DMD: variants seen among roughly 807,000 people sequenced by gnomAD.
The protein encoded by DMD is mutant dystrophin.
In DMD, 63 loss-of-function variants were observed where a neutral mutation model predicts 330.1. The observed-to-expected ratio is 0.19, with a 90% confidence interval of 0.16 to 0.24. The LOEUF is 0.24. Among genes scored for constraint, DMD ranks in the 10% least tolerant of loss-of-function variants. DMD has a pLI of 1.00. For missense variants in DMD, 3,344 were observed against 2,684.1 expected (o/e 1.25, Z -5.43); for synonymous variants, 1,223 against 959.8 (o/e 1.27, Z -5.07).
intron 44 of DMD, among the ~76,000 whole-genome samples, chrX:32,059,293 T>C (rs1192543913): frequency 9.0e-6 from 1 of 111,395 alleles, no homozygotes; most frequent in Admixed American, 9.6e-5. Flanking sequence ...TTTCAACACA[T>C]ACAATTCTTT....
At chrX:31,196,553 G>A (rs1009959475) in intron 67 of DMD, among the ~76,000 whole-genome samples, 3 of 110,025 alleles carry the variant, frequency 2.7e-5, no homozygotes, top group Admixed American at 9.7e-5. Context: ...GGCCAGGTGT[G>A]ATGGCTCATG....
intron 2 of DMD, among the ~76,000 whole-genome samples, chrX:32,854,399 C>T (rs1413005446): frequency 9.0e-6 from 1 of 110,763 alleles, no homozygotes; most frequent in Non-Finnish European, 1.9e-5. Flanking sequence ...GAAAATTATA[C>T]AAAACACAAG....
At chrX:33,025,363 T>C (rs1215549463) in intron 1 of DMD, among the ~76,000 whole-genome samples, 1 of 111,266 alleles carries the variant, frequency 9.0e-6, no homozygotes, top group African/African-American at 3.3e-5. Flanking sequence ...GGGAGTGGCA[T>C]GGAATGAAAT....
chrX:32,790,640 G>A (rs924305817), intron 7 of DMD, among the ~76,000 whole-genome samples: 4 of 111,611 alleles, frequency 3.6e-5, no homozygotes, highest in African/African-American at 9.8e-5. Context: ...GGCCAAGGCA[G>A]GAACCACTGG....
chrX:32,730,829 A>T (rs755399029), intron 7 of DMD, among the ~76,000 whole-genome samples: 22 of 112,237 alleles, frequency 2.0e-4, no homozygotes, highest in Admixed American at 1.5e-3. Flanking sequence ...ATGAGCAGAA[A>T]AAGAGTAGGA....
intron 44 of DMD, among the ~76,000 whole-genome samples, chrX:32,008,973 T>TA (rs1226381380): frequency 8.9e-6 from 1 of 111,744 alleles, no homozygotes; most frequent in African/African-American, 3.3e-5. Context: ...AAGCCACTGA[T>TA]ACGTTTTGAG....
intron 2 of DMD, among the ~76,000 whole-genome samples, chrX:32,936,903 G>A (rs1428942261): frequency 8.9e-6 from 1 of 111,741 alleles, no homozygotes; most frequent in East Asian, 2.8e-4. Flanking sequence ...ATCAAAAAAC[G>A]TGTAATGCTT....
intron 43 of DMD, among the ~76,000 whole-genome samples, chrX:32,244,974 C>T (rs1436269367): frequency 3.7e-4 from 27 of 73,695 alleles, no homozygotes; most frequent in African/African-American, 1.5e-3. Context: ...AATTAGATCC[C>T]ATTTGTCAAT....
chrX:33,055,972 G>T (rs143504942), intron 1 of DMD, among the ~76,000 whole-genome samples: 1 of 109,689 alleles, frequency 9.1e-6, no homozygotes, highest in African/African-American at 3.3e-5. Context: ...ATCCCCTGAA[G>T]AACTTCTTAT....
At chrX:31,404,285 T>C (rs1190665625) in intron 60 of DMD, among the ~76,000 whole-genome samples, 1 of 111,710 alleles carries the variant, frequency 9.0e-6, no homozygotes, top group Non-Finnish European at 1.9e-5. Flanking sequence ...GAAAAACCTT[T>C]CATACACTCC....
At chrX:32,515,088 T>G in intron 18 of DMD, among the ~76,000 whole-genome samples, 1 of 111,454 alleles carries the variant, frequency 9.0e-6, no homozygotes, top group South Asian at 3.8e-4. Flanking sequence ...TCTAAAGTAG[T>G]GGGGGTACAA....
intron 2 of DMD, among the ~76,000 whole-genome samples, chrX:32,990,775 C>A (rs1987816437): frequency 9.0e-6 from 1 of 111,562 alleles, no homozygotes; most frequent in Non-Finnish European, 1.9e-5. Context: ...TCATCTAGTG[C>A]TGCCCCAGTT....
At chrX:31,568,427 T>C (rs1381733558) in intron 55 of DMD, among the ~76,000 whole-genome samples, 1 of 111,518 alleles carries the variant, frequency 9.0e-6, no homozygotes, top group Non-Finnish European at 1.9e-5. Context: ...TTGCTTCATG[T>C]ATTTGGAAGC....
chrX:32,741,049 G>C (rs1311062734), intron 7 of DMD, among the ~76,000 whole-genome samples: 1 of 111,497 alleles, frequency 9.0e-6, no homozygotes, highest in Non-Finnish European at 1.9e-5. Flanking sequence ...TAGTATATTT[G>C]GTAACCTTTA....
At chrX:31,230,629 A>G (rs2047101292) in intron 63 of DMD, among the ~76,000 whole-genome samples, 1 of 107,399 alleles carries the variant, frequency 9.3e-6, no homozygotes, top group Non-Finnish European at 1.9e-5. Flanking sequence ...AGCCTGGGCG[A>G]CAGAATGAGA....
chrX:32,983,687 G>C (rs1364655606), intron 2 of DMD, among the ~76,000 whole-genome samples: 1 of 110,494 alleles, frequency 9.1e-6, no homozygotes, highest in East Asian at 2.9e-4. Flanking sequence ...GGGAAAAAAT[G>C]GTAAAGTGTA....
chrX:32,565,806 T>A lies in DMD; in HGVS notation c.1888A>T (p.Thr630Ser). ...TGGGTCACTGACTTATTCTTCAGTGTTGAAAGAAGATCTTGTTTGAGTGAA... is the reference window on the plus strand; with the variant it reads ...TGGGTCACTGACTTATTCTTCAGTGATGAAAGAAGATCTTGTTTGAGTGAA... ...LYSLKQDLLS[T>S]LKNKSVTQKT... The change falls in exon 16 of 79, where the codon ACA becomes TCA. Residue 630 changes from threonine (T) to serine (S), a missense_variant. Coordinates refer to ENST00000357033, the MANE Select transcript of DMD (RefSeq NM_004006.3). The A allele has an allele frequency of 8.3e-7, 1 of 1,211,097 alleles. No individual in the cohort carries two copies. The highest frequency in any genetic ancestry group is 1.1e-6 in the Non-Finnish European group (1 of 894,883).
At chrX:31,754,304 C>G (rs1328515801) in intron 51 of DMD, among the ~76,000 whole-genome samples, 1 of 111,547 alleles carries the variant, frequency 9.0e-6, no homozygotes, top group Non-Finnish European at 1.9e-5. Context: ...TATATGCAGA[C>G]AACCAGGCAG....
chrX:33,297,869 A>T (rs1050184083), intron 1 of DMD, among the ~76,000 whole-genome samples: 1 of 110,480 alleles, frequency 9.1e-6, no homozygotes, highest in Non-Finnish European at 1.9e-5. Context: ...TCAGTTATAG[A>T]GATCTAACGT....
Sources: allele counts gnomAD v4.1 joint callset (sites outside exome capture counted in the v4.1 genomes callset), GRCh38; gene constraint gnomAD v4.1.1; transcripts MANE v1.5; gene names NCBI Gene and HGNC (gene_info 2026-07-23, HGNC 2026-07-21).